The following MED13L variants were observed in gnomAD, a reference collection of about 807,000 sequenced individuals.
MED13L encodes mediator complex subunit 13L, also known as mediator of RNA polymerase II transcription subunit 13-like.
Under a neutral mutation model 220.9 loss-of-function variants are expected in MED13L, and 7 were observed. The ratio of observed to expected loss-of-function variants is 0.03; its 90% confidence interval spans 0.02 to 0.06. The LOEUF (loss-of-function observed/expected upper bound fraction) is 0.06, where lower values mean the gene tolerates loss of function less well. Ranked by LOEUF, MED13L falls within the 10% of genes least tolerant of loss-of-function variation. MED13L has a pLI of 1.00. For synonymous variants in MED13L, 1,011 were observed against 1,015.2 expected (o/e 1.00, Z 0.08); for missense variants, 1,965 against 2,760.5 (o/e 0.71, Z 6.46).
chr12:116,070,530 A>G (rs1054533182), intron 4 of MED13L, among the ~76,000 whole-genome samples: 2 of 152,244 alleles, frequency 1.3e-5, no homozygotes, highest in Admixed American at 1.3e-4. Context: ...CAGCAAAGTC[A>G]AGATTCGAAT....
chr12:116,209,272 C>T (rs1011996240), intron 2 of MED13L, among the ~76,000 whole-genome samples: 3 of 152,132 alleles, frequency 2.0e-5, no homozygotes, highest in Non-Finnish European at 4.4e-5. Context: ...CTAGCTATGA[C>T]GTTTGATTCC....
intron 4 of MED13L, among the ~76,000 whole-genome samples, chr12:116,056,347 G>A (rs1025222330): frequency 1.3e-5 from 2 of 151,516 alleles, no homozygotes; most frequent in South Asian, 2.1e-4. Context: ...GCACAATCAC[G>A]GCTCACTGCA....
At chr12:116,197,148 T>G (rs189725883) in intron 2 of MED13L, among the ~76,000 whole-genome samples, 2 of 152,252 alleles carry the variant, frequency 1.3e-5, no homozygotes, top group East Asian at 3.9e-4. Flanking sequence ...TCCTTAAAAT[T>G]ATATTAAGCT....
chr12:115,985,828 T>C (rs1447992274), intron 19 of MED13L, among the ~76,000 whole-genome samples: 2 of 152,176 alleles, frequency 1.3e-5, no homozygotes, highest in African/African-American at 2.4e-5. Flanking sequence ...ATTCAGAAAT[T>C]TGCAAAAGAC....
At chr12:116,041,431 A>G (rs922916239) in intron 4 of MED13L, among the ~76,000 whole-genome samples, 1 of 152,182 alleles carries the variant, frequency 6.6e-6, no homozygotes, top group Non-Finnish European at 1.5e-5. Flanking sequence ...GCAGTGCGAA[A>G]ATGGACTAAT....
intron 2 of MED13L, among the ~76,000 whole-genome samples, chr12:116,119,508 T>C (rs1258769676): frequency 2.0e-5 from 3 of 152,096 alleles, no homozygotes; most frequent in Admixed American, 6.6e-5. Flanking sequence ...CTCTGATGAA[T>C]ACAGTTGATT....
intron 2 of MED13L, among the ~76,000 whole-genome samples, chr12:116,143,681 G>T (rs569465720): frequency 6.6e-6 from 1 of 152,094 alleles, no homozygotes; most frequent in Non-Finnish European, 1.5e-5. Flanking sequence ...TGGCCTAACC[G>T]ATATAAACAA....
chr12:116,062,650 G>A (rs775297872), intron 4 of MED13L, among the ~76,000 whole-genome samples: 46 of 152,044 alleles, frequency 3.0e-4, no homozygotes, highest in Admixed American at 5.9e-4. Context: ...ACCACACCAA[G>A]CTAATTTTTG....
At chr12:116,084,961 AGCCAAC>A (rs1240718978) in intron 4 of MED13L, among the ~76,000 whole-genome samples, 125 of 152,276 alleles carry the variant, frequency 8.2e-4, no homozygotes, top group African/African-American at 2.9e-3. Flanking sequence ...ACATACTTTT[AGCCAAC>A]TGTTTTCAAT....
chr12:116,027,166 T>TA (rs1257077286), intron 4 of MED13L, among the ~76,000 whole-genome samples: 1 of 152,214 alleles, frequency 6.6e-6, no homozygotes, highest in Non-Finnish European at 1.5e-5. Flanking sequence ...CTCACGCCTG[T>TA]AATCCTAGCA....
At chr12:115,987,408 T>C (rs1410606207) in intron 17 of MED13L, 120 bp from the exon 18 acceptor site, 2 of 920,686 alleles carry the variant, frequency 2.2e-6, no homozygotes, top group Admixed American at 2.2e-5. Context: ...TAGTAGATTC[T>C]AAAATATTTG....
At chr12:116,032,467 C>T (rs1381383067) in intron 4 of MED13L, among the ~76,000 whole-genome samples, 2 of 152,156 alleles carry the variant, frequency 1.3e-5, no homozygotes, top group African/African-American at 4.8e-5. Context: ...ATCCCCAACA[C>T]CCAGCCCCAG....
chr12:115,981,323 A>C (rs1459667306), intron 22 of MED13L, among the ~76,000 whole-genome samples: 1 of 152,166 alleles, frequency 6.6e-6, no homozygotes, highest in Non-Finnish European at 1.5e-5. Context: ...ATTATTACCT[A>C]ATCATTTAGG....
At chr12:116,191,584 C>G (rs1166133604) in intron 2 of MED13L, among the ~76,000 whole-genome samples, 1 of 152,102 alleles carries the variant, frequency 6.6e-6, no homozygotes, top group African/African-American at 2.4e-5. Flanking sequence ...CCCACCTCAG[C>G]CTCCCAAAGT....
chr12:116,032,415 C>T (rs947032971), intron 4 of MED13L, among the ~76,000 whole-genome samples: 3 of 152,110 alleles, frequency 2.0e-5, no homozygotes, highest in African/African-American at 7.2e-5. Context: ...GCCAATGGAA[C>T]AGAACAGGAA....
intron 2 of MED13L, among the ~76,000 whole-genome samples, chr12:116,219,220 T>C (rs912139575): frequency 2.6e-5 from 4 of 152,216 alleles, no homozygotes; most frequent in African/African-American, 9.7e-5. Flanking sequence ...TAGTGAATTT[T>C]ATGAACATCT....
intron 2 of MED13L, among the ~76,000 whole-genome samples, chr12:116,141,682 C>CATCAACCTGG (rs1296550678): frequency 4.6e-5 from 7 of 152,142 alleles, no homozygotes; most frequent in African/African-American, 1.7e-4. Flanking sequence ...CCGTCCCCAT[C>CATCAACCTGG]ATCAACCTGG....
chr12:116,238,199 T>C (rs1870280944), intron 1 of MED13L, among the ~76,000 whole-genome samples: 1 of 152,232 alleles, frequency 6.6e-6, no homozygotes, highest in Admixed American at 6.5e-5. Flanking sequence ...TGTTTCATCA[T>C]GAATGCCAAA....
intron 1 of MED13L, among the ~76,000 whole-genome samples, chr12:116,257,760 A>T (rs1349792271): frequency 6.6e-6 from 1 of 152,226 alleles, no homozygotes; most frequent in Non-Finnish European, 1.5e-5. Context: ...TATCGAGGTG[A>T]TCATTTTTAT....
Sources: gnomAD v4.1 joint callset for allele counts (sites outside exome capture counted in the v4.1 genomes callset) on GRCh38, gnomAD v4.1.1 for gene constraint, MANE v1.5 for transcripts, NCBI Gene and HGNC (gene_info 2026-07-23, HGNC 2026-07-21) for gene names.